Variants in RBFOX1 observed in about 807,000 individuals in gnomAD.
RBFOX1 encodes the protein RNA binding protein fox-1 homolog 1.
Under a neutral mutation model 57.7 loss-of-function variants are expected in RBFOX1, and 8 were observed. The ratio of observed to expected loss-of-function variants is 0.14; its 90% CI spans 0.08 to 0.25. The LOEUF is 0.25. Ranked by LOEUF, RBFOX1 falls within the 10% of genes least tolerant of loss-of-function variation. RBFOX1 has a pLI of 1.00. For missense variants in RBFOX1, 611 were observed against 548.5 expected, an observed-to-expected ratio of 1.11 and a Z score of -1.14; for synonymous variants, 326 against 222.4, an observed-to-expected ratio of 1.47 and a Z score of -4.15.
intron 2 of RBFOX1, among the ~76,000 whole-genome samples, chr16:5,507,180 T>C (rs974796083): frequency 1.3e-5 from 2 of 152,080 alleles, no homozygotes; most frequent in African/African-American, 4.8e-5. Flanking sequence ...GGTGTGTGAA[T>C]TAGAATGATG....
chr16:7,581,627 T>C (rs1439276143), intron 6 of RBFOX1, among the ~76,000 whole-genome samples: 1 of 152,142 alleles, frequency 6.6e-6, no homozygotes, highest in Non-Finnish European at 1.5e-5. Context: ...CTCTCTAGTC[T>C]TACAGAGGTA....
Position 7,243,150 on chromosome 16 carries a change from C to T in RBFOX1, c.27+191052C>T, listed in dbSNP as rs138374706. 1.8e-3 allele frequency among the ~76,000 whole-genome samples: 279 copies of T among 152,214 alleles called. 4 individuals carry two copies. The highest frequency in any genetic ancestry group is 0.014 in the Admixed American group (220 of 15,294). On this transcript the variant is annotated intron_variant, in intron 4 of 15. Coordinates refer to ENST00000550418, the MANE Select transcript of RBFOX1 (RefSeq NM_018723.4). ...GAATGTTTTCATTAAAATTGTAACACACCCAGTATTAAATCAGAAAGTGAA... is the reference window on the plus strand; with the variant it reads ...GAATGTTTTCATTAAAATTGTAACATACCCAGTATTAAATCAGAAAGTGAA...
In RBFOX1 at chr16:5,412,940, G is replaced by T. The variant is rs374225405; in HGVS notation, c.220-54276G>T. ...AGGACATGGCTGCATGAGCGTTACG[G>T]TTGAAACAACACATCTCACTCGCTG... On this transcript the variant is annotated intron_variant, in intron 1 of 2. Transcript: ENST00000585867. Among the ~76,000 whole-genome samples, 228 of 152,304 alleles carry T rather than the reference G, an allele frequency of 1.5e-3. 7 individuals are homozygous for T. In the South Asian group the frequency reaches 0.047, roughly 31 times the overall value.
Position 6,441,866 on chromosome 16 carries a change from T to C in RBFOX1, c.-64+124809T>C, listed in dbSNP as rs551513607. On this transcript the variant is annotated intron_variant, in intron 2 of 15. Transcript: ENST00000550418. ...GTCTGGGGAAGACAGTCCTTCTCTA[T>C]TGAATTGGATGCTTATCTCTGACTC... is the stretch of plus-strand genomic sequence containing the variant. 5.4e-3 allele frequency among the ~76,000 whole-genome samples: 820 copies of C among 152,254 alleles called. 10 individuals carry two copies. Among genetic ancestry groups the C allele is most frequent in the Non-Finnish European group, 5.0e-3 (343 of 68,024 alleles).
intron 4 of RBFOX1, among the ~76,000 whole-genome samples, chr16:7,386,035 C>A (rs887164263): frequency 1.3e-5 from 2 of 152,010 alleles, no homozygotes; most frequent in East Asian, 1.9e-4. Flanking sequence ...GTGAACCACA[C>A]GGCTCAGCCT....
intron 3 of RBFOX1, among the ~76,000 whole-genome samples, chr16:6,931,843 G>T (rs1416496022): frequency 6.6e-6 from 1 of 152,138 alleles, no homozygotes; most frequent in Non-Finnish European, 1.5e-5. Context: ...AAGTCCAAGA[G>T]CATGGCACTG....
At chr16:6,831,813 A>C (rs948503680) in intron 3 of RBFOX1, among the ~76,000 whole-genome samples, 3 of 152,186 alleles carry the variant, frequency 2.0e-5, no homozygotes, top group African/African-American at 7.2e-5. Flanking sequence ...AAGACCCAGC[A>C]CTTGGGGAAT....
chr16:7,424,997 T>A (rs555186451), intron 4 of RBFOX1, among the ~76,000 whole-genome samples: 254 of 152,338 alleles, frequency 1.7e-3, no homozygotes, highest in South Asian at 3.1e-3. Context: ...ATGAGTATAA[T>A]ACAAGTTGGC....
chr16:6,222,684 TTTATTATTATTA>T (rs57108959), intron 1 of RBFOX1, among the ~76,000 whole-genome samples: 12 of 141,318 alleles, frequency 8.5e-5, no homozygotes, highest in African/African-American at 1.3e-4. Flanking sequence ...TTTCTTTTCT[TTTATTATTATTA>T]TTATTATTAT....
chr16:6,593,541 A>T (rs533956394), intron 2 of RBFOX1, among the ~76,000 whole-genome samples: 2 of 152,174 alleles, frequency 1.3e-5, no homozygotes, highest in African/African-American at 4.8e-5. Flanking sequence ...AGAATCGAGG[A>T]TTGTGGCTTT....
intron 4 of RBFOX1, among the ~76,000 whole-genome samples, chr16:7,089,982 G>A (rs1349361500): frequency 6.6e-6 from 1 of 151,762 alleles, no homozygotes; most frequent in Non-Finnish European, 1.5e-5. Flanking sequence ...ATATGAATTA[G>A]CAAGCTAGCA....
intron 9 of RBFOX1, among the ~76,000 whole-genome samples, chr16:7,598,144 G>T (rs1239725540): frequency 6.6e-6 from 1 of 151,938 alleles, no homozygotes; most frequent in Non-Finnish European, 1.5e-5. Context: ...AGATATATGG[G>T]GAAGAAACCT....
At chr16:7,682,608 T>G (rs2075056223) in intron 14 of RBFOX1, among the ~76,000 whole-genome samples, 1 of 150,160 alleles carries the variant, frequency 6.7e-6, no homozygotes, top group Non-Finnish European at 1.5e-5. Flanking sequence ...GTTCTATAAT[T>G]TTTTTTAAAA....
chr16:6,382,032 C>T (rs2091864764), intron 2 of RBFOX1, among the ~76,000 whole-genome samples: 1 of 152,224 alleles, frequency 6.6e-6, no homozygotes, highest in African/African-American at 2.4e-5. Flanking sequence ...ATCTCTGTTG[C>T]TATTCAACTG....
chr16:7,445,427 T>C (rs1292537225), intron 4 of RBFOX1, among the ~76,000 whole-genome samples: 2 of 152,152 alleles, frequency 1.3e-5, no homozygotes, highest in African/African-American at 4.8e-5. Flanking sequence ...ATCACAATAT[T>C]TGCCCTGGAT....
At chr16:7,078,140 C>G (rs1353166228) in intron 4 of RBFOX1, among the ~76,000 whole-genome samples, 1 of 152,176 alleles carries the variant, frequency 6.6e-6, no homozygotes, top group Non-Finnish European at 1.5e-5. Flanking sequence ...TTCATTCTTT[C>G]TCATCTTTAG....
rs895171602 is a variant in RBFOX1 at position 7,139,538 on chromosome 16, C to G, written c.27+87440C>G. On this transcript the variant is annotated intron_variant, in intron 4 of 15. Transcript: ENST00000550418. ...GTTTTTAAAATGCTTAACATGGTTCCTGGCATATTATCTGTGCTGGATCAA... is the reference window on the plus strand; with the variant it reads ...GTTTTTAAAATGCTTAACATGGTTCGTGGCATATTATCTGTGCTGGATCAA... Among the ~76,000 whole-genome samples the G allele has an allele frequency of 7.9e-5, 12 of 152,194 alleles. No homozygotes were observed. The East Asian group carries it at 2.1e-3, about 27-fold the overall frequency.
chr16:6,604,349 TA>T (rs202032848), intron 2 of RBFOX1, among the ~76,000 whole-genome samples: 33 of 152,250 alleles, frequency 2.2e-4, no homozygotes, highest in Middle Eastern at 3.4e-3. Flanking sequence ...TTTTTTAATT[TA>T]TTTTTTTTAA....
intron 4 of RBFOX1, among the ~76,000 whole-genome samples, chr16:7,158,114 C>T (rs1005039504): frequency 6.6e-6 from 1 of 152,046 alleles, no homozygotes; most frequent in Non-Finnish European, 1.5e-5. Context: ...TTTGGGAGGA[C>T]AAGGTGGGCG....
Sources: allele counts gnomAD v4.1 joint callset (sites outside exome capture counted in the v4.1 genomes callset), GRCh38; gene constraint gnomAD v4.1.1; transcripts MANE v1.5; gene names NCBI Gene and HGNC (gene_info 2026-07-23, HGNC 2026-07-21).